Variants in SEZ6L observed in about 807,000 individuals in gnomAD.
The protein encoded by SEZ6L is seizure 6-like protein.
SEZ6L carries 37 observed loss-of-function variants against 106.2 expected under a neutral mutation model. The observed-to-expected ratio is 0.35, with a 90% CI of 0.27 to 0.46. The LOEUF is 0.46. Ranked by LOEUF, SEZ6L falls within the 20% of genes least tolerant of loss-of-function variation. The pLI is 1.00. For missense variants in SEZ6L, 1,172 were observed against 1,332.8 expected, an observed-to-expected ratio of 0.88 and a Z score of 1.88; for synonymous variants, 541 against 570.4, an observed-to-expected ratio of 0.95 and a Z score of 0.73.
intron 1 of SEZ6L, among the ~76,000 whole-genome samples, chr22:26,180,911 C>T (rs1302679831): frequency 1.3e-5 from 2 of 152,196 alleles, no homozygotes; most frequent in African/African-American, 4.8e-5. Context: ...GAACAATGTA[C>T]TCAGAGTGAG....
chr22:26,325,027 G>T (rs1355206385), intron 9 of SEZ6L, among the ~76,000 whole-genome samples: 1 of 152,102 alleles, frequency 6.6e-6, no homozygotes, highest in African/African-American at 2.4e-5. Flanking sequence ...GGTCTAGGTG[G>T]GCATAGACTG....
chr22:26,332,174 G>A (rs1174566444), intron 9 of SEZ6L, among the ~76,000 whole-genome samples: 2 of 139,202 alleles, frequency 1.4e-5, no homozygotes, highest in Non-Finnish European at 3.0e-5. Context: ...TTTTGAGACA[G>A]GGTCTCGCTC....
chr22:26,198,299 T>C (rs1940707768), intron 1 of SEZ6L, among the ~76,000 whole-genome samples: 1 of 152,232 alleles, frequency 6.6e-6, no homozygotes, highest in South Asian at 2.1e-4. Context: ...CAATATCTAA[T>C]GGATAATACA....
chr22:26,312,105 C>A, intron 8 of SEZ6L, 143 bp downstream of exon 8: 1 of 832,428 alleles, frequency 1.2e-6, no homozygotes, highest in Non-Finnish European at 1.8e-6. Context: ...GTTCACTGTC[C>A]TTTGGTTCAG....
chr22:26,338,867 C>CTTTTTT (rs71192914), intron 9 of SEZ6L, among the ~76,000 whole-genome samples: 3,049 of 87,294 alleles, frequency 0.035, 153 homozygotes, highest in African/African-American at 0.083. Context: ...TTTTTTTTTT[C>CTTTTTT]TTTTTTTTTT....
At position 26,292,466 on chromosome 22, in the gene SEZ6L, C is replaced by T. The variant is rs6004989; in HGVS notation, c.155C>T (p.Pro52Leu). 2.1e-5 allele frequency: 34 copies of T among 1,613,918 alleles called. No individual in the cohort carries two copies. In the African/African-American group the frequency reaches 2.3e-4, roughly 11 times the overall value. Residue 52 changes from proline to leucine, a missense_variant, in exon 2 of 17, where the codon CCG (proline) becomes CTG (leucine). Around this residue, in one of 4 missense-constraint regions of SEZ6L, gnomAD observed 494 missense variants for 445.8 expected, o/e 1.11. Coordinates refer to ENST00000248933, the MANE Select transcript of SEZ6L (RefSeq NM_021115.5). ...CCTTACCTCCTGCCCTCAGGAGCCC[C>T]GGAGAGAGGCAGTCCTGGCAAAGAG... ...LGPYLLPSGA[P>L]ERGSPGKEHP...
At chr22:26,340,233 C>CA (rs543007580) in intron 9 of SEZ6L, among the ~76,000 whole-genome samples, 35 of 146,924 alleles carry the variant, frequency 2.4e-4, no homozygotes, top group East Asian at 7.9e-4. Flanking sequence ...GACTCTGTCT[C>CA]AAAAAAAAAA....
intron 1 of SEZ6L, among the ~76,000 whole-genome samples, chr22:26,215,324 C>A (rs183141917): frequency 6.6e-6 from 1 of 152,100 alleles, no homozygotes; most frequent in Non-Finnish European, 1.5e-5. Context: ...ACCCATCACC[C>A]AAATATTAAA....
At chr22:26,257,879 C>T (rs1322100311) in intron 1 of SEZ6L, among the ~76,000 whole-genome samples, 1 of 152,060 alleles carries the variant, frequency 6.6e-6, no homozygotes, top group Non-Finnish European at 1.5e-5. Context: ...CATCTAAGAC[C>T]CTGATAGCAT....
intron 1 of SEZ6L, among the ~76,000 whole-genome samples, chr22:26,192,313 A>T (rs1940272590): frequency 6.6e-6 from 1 of 152,236 alleles, no homozygotes; most frequent in East Asian, 1.9e-4. Context: ...TCTAAGCAGT[A>T]TTATTCTGGA....
At chr22:26,348,648 A>AAAG (rs1569473651) in intron 11 of SEZ6L, among the ~76,000 whole-genome samples, 1 of 18,632 alleles carries the variant, frequency 5.4e-5, no homozygotes, top group African/African-American at 2.4e-4. Context: ...AAGAAAGAAA[A>AAAG]AGAAAGAAAG....
chr22:26,371,088 A>AT (rs1228972332), intron 13 of SEZ6L, among the ~76,000 whole-genome samples: 3 of 149,530 alleles, frequency 2.0e-5, no homozygotes, highest in Non-Finnish European at 4.4e-5. Context: ...GTGCCATGTT[A>AT]TTTTTTTTAT....
intron 10 of SEZ6L, among the ~76,000 whole-genome samples, chr22:26,347,427 G>T (rs1316730322): frequency 1.3e-5 from 2 of 151,956 alleles, no homozygotes; most frequent in Non-Finnish European, 2.9e-5. Flanking sequence ...AAAAGTGATT[G>T]TCCCCCCGTC....
At chr22:26,198,820 T>A (rs961711871) in intron 1 of SEZ6L, among the ~76,000 whole-genome samples, 2 of 152,228 alleles carry the variant, frequency 1.3e-5, no homozygotes, top group Non-Finnish European at 2.9e-5. Context: ...CTGCTCCCGG[T>A]AGACATTCCC....
intron 1 of SEZ6L, among the ~76,000 whole-genome samples, chr22:26,272,193 G>A (rs2080390390): frequency 1.3e-5 from 2 of 152,206 alleles, no homozygotes; most frequent in Non-Finnish European, 2.9e-5. Flanking sequence ...AATTCAGAAT[G>A]TGATGGAAAT....
At chr22:26,238,202 T>G (rs571096179) in intron 1 of SEZ6L, among the ~76,000 whole-genome samples, 1 of 152,268 alleles carries the variant, frequency 6.6e-6, no homozygotes, top group Admixed American at 6.5e-5. Flanking sequence ...GTGGGCCCCA[T>G]GCAGTTGATG....
intron 1 of SEZ6L, among the ~76,000 whole-genome samples, chr22:26,265,050 T>A (rs1365648877): frequency 6.6e-6 from 1 of 152,184 alleles, no homozygotes; most frequent in Non-Finnish European, 1.5e-5. Context: ...GGACCACCTA[T>A]CATTGATCTC....
At chr22:26,349,365 T>C (rs2083197011) in intron 11 of SEZ6L, among the ~76,000 whole-genome samples, 3 of 152,222 alleles carry the variant, frequency 2.0e-5, no homozygotes, top group Admixed American at 2.0e-4. Flanking sequence ...TTGGTAACGA[T>C]GCTTACTTAT....
intron 1 of SEZ6L, among the ~76,000 whole-genome samples, chr22:26,223,502 C>G (rs1294540114): frequency 6.6e-6 from 1 of 152,102 alleles, no homozygotes; most frequent in Non-Finnish European, 1.5e-5. Context: ...CCTCAGCCTC[C>G]CCTTCAGTGG....
Sources: gnomAD v4.1 joint callset for allele counts (sites outside exome capture counted in the v4.1 genomes callset) on GRCh38, gnomAD v4.1.1 for gene constraint, gnomAD v4.1.1 regional missense constraint, MANE v1.5 for transcripts, NCBI Gene and HGNC (gene_info 2026-07-23, HGNC 2026-07-21) for gene names.